Variants in PNPLA7 observed in about 807,000 individuals in gnomAD.
PNPLA7 encodes patatin like domain 7, lysophospholipase.
PNPLA7 carries 153 observed loss-of-function variants against 161.7 expected under a neutral mutation model. That is an observed-to-expected ratio of 0.95 (90% CI 0.83 to 1.08). PNPLA7 has a LOEUF of 1.08. PNPLA7 is among the 50% of genes least tolerant of loss of function. The pLI, the probability that PNPLA7 is intolerant of heterozygous loss-of-function variation, is 0.00. For missense variants in PNPLA7, 1,739 were observed against 1,856.6 expected (o/e 0.94, Z 1.16); for synonymous variants, 809 against 782.1 (o/e 1.03, Z -0.57).
At chr9:137,527,938 C>A (rs1461281974) in intron 8 of PNPLA7, among the ~76,000 whole-genome samples, 1 of 152,208 alleles carries the variant, frequency 6.6e-6, no homozygotes, top group Non-Finnish European at 1.5e-5. Context: ...TTAGTAGTAG[C>A]CATTCAGATA....
At position 137,505,689 on chromosome 9, in the gene PNPLA7, C is replaced by T. The variant is rs762336135; in HGVS notation, c.1398G>A (p.Glu466=). 5 of 1,614,150 alleles carry T rather than the reference C, an allele frequency of 3.1e-6. No homozygotes were observed. The highest frequency in any genetic ancestry group is 4.2e-6 in the Non-Finnish European group (5 of 1,180,038). ...VSQHSESHTD[E]TLASRKSDAI... Reference sequence around the variant, plus strand: ...CATCCGACTTCCTGCTGGCCAGGGTCTCATCCGTGTGACTCTCTGAGTGCT... The same window carrying T: ...CATCCGACTTCCTGCTGGCCAGGGTTTCATCCGTGTGACTCTCTGAGTGCT... Residue 466 remains glutamate, a synonymous_variant, in exon 14 of 35, where the codon GAG becomes GAA. Coordinates refer to ENST00000406427, the MANE Select transcript of PNPLA7 (RefSeq NM_001098537.3).
At position 137,524,772 on chromosome 9, in the gene PNPLA7, T is replaced by C. The variant is rs909054395; in HGVS notation, c.748-1915A>G. On this transcript the variant is annotated intron_variant, in intron 8 of 34. Transcript: ENST00000406427. The surrounding 1 kb of genome is among the most constrained non-coding windows in gnomAD (Gnocchi z 4.4). ...GGATGCCCCGTGGAATGAGTTTCCG[T>C]GGATGCCCCGTGGAATGGGTTTCCG... 2.0e-4 allele frequency among the ~76,000 whole-genome samples: 31 copies of C among 152,154 alleles called. No homozygotes were observed. Among genetic ancestry groups the C allele is most frequent in the African/African-American group, 7.2e-4 (30 of 41,426 alleles).
intron 20 of PNPLA7, chr9:137,491,496 G>C (rs1832760901): frequency 1.0e-6 from 1 of 982,134 alleles, no homozygotes; most frequent in Non-Finnish European, 1.2e-6. Context: ...GGAGAGCGAA[G>C]AGTCACATTA....
At position 137,489,237 on chromosome 9, in the gene PNPLA7, G is replaced by A. The variant is rs1036230943; in HGVS notation, c.2197+3776C>T. On this transcript the variant is annotated intron_variant, in intron 20 of 34. Coordinates refer to ENST00000406427, the MANE Select transcript of PNPLA7 (RefSeq NM_001098537.3). ...TGTTCGGGTCTGAGAGCTGAAGATG[G>A]CGCAGAATGCAGCCTTCACACTGGG... is the stretch of plus-strand genomic sequence containing the variant. Among the ~76,000 whole-genome samples, 4 of 152,358 alleles carry A rather than the reference G, an allele frequency of 2.6e-5. No homozygotes were observed. The East Asian group carries it at 7.7e-4, about 29-fold the overall frequency.
At chr9:137,461,472 A>T in intron 33 of PNPLA7, 64 bp downstream of exon 33, 1 of 1,496,788 alleles carries the variant, frequency 6.7e-7, no homozygotes, top group Non-Finnish European at 9.1e-7. Context: ...GGGGGGGTTC[A>T]AGCCCAACAC....
chr9:137,461,811 A>T, intron 32 of PNPLA7, 120 bp downstream of exon 32: 1 of 1,250,750 alleles, frequency 8.0e-7, no homozygotes, highest in Non-Finnish European at 1.1e-6. Context: ...GTCTTTGGCC[A>T]GGGGGGCAGG....
At chr9:137,464,719 G>T (rs1048753682) in intron 26 of PNPLA7, 2 of 486,138 alleles carry the variant, frequency 4.1e-6, no homozygotes, top group Non-Finnish European at 7.5e-6. Context: ...CCCTACCCTC[G>T]CAGGCTCTGC....
At position 137,481,012 on chromosome 9, in the gene PNPLA7, G is replaced by T; in HGVS notation, c.2359C>A (p.Leu787Met). 2 of 1,551,688 alleles carry T rather than the reference G, an allele frequency of 1.3e-6. No homozygotes were observed. Among genetic ancestry groups the T allele is most frequent in the South Asian group, 2.4e-5 (2 of 84,064 alleles). The change falls in exon 22 of 35, where the codon CTG becomes ATG. Residue 787 changes from leucine to methionine, a missense_variant. This residue lies in a region of PNPLA7 where 192 missense variants were observed against 249.5 expected (regional missense o/e 0.77). Coordinates refer to ENST00000406427, the MANE Select transcript of PNPLA7 (RefSeq NM_001098537.3). ...CGTTTTATGTTGTCACTAGTCAGCAGCAGGGTCGGGCCTGAAAACACCACC... is the reference window on the plus strand; with the variant it reads ...CGTTTTATGTTGTCACTAGTCAGCATCAGGGTCGGGCCTGAAAACACCACC... ...HALSAIGPTL[L>M]LTSDNIKRRL...
chr9:137,462,733 C>T lies in PNPLA7; in HGVS notation c.3444G>A (p.Gly1148=), dbSNP rs1171066868. The part of the protein sequence containing the change: ...DLTNYGDALS[G]WWLLWKRWNP... ...TCCAGCGTTTCCACAGCAGCCACCA[C>T]CCAGACAGCGCATCCCCATAGTTGG... Residue 1148 remains glycine (G), a synonymous_variant, in exon 30 of 35, where the codon GGG becomes GGA. Transcript: ENST00000406427. 1.2e-6 allele frequency: 2 copies of T among 1,613,922 alleles called. No individual in the cohort carries two copies. Among genetic ancestry groups the T allele is most frequent in the East Asian group, 4.5e-5 (2 of 44,896 alleles).
Position 137,468,365 on chromosome 9 carries a change from TG to T in PNPLA7, c.2883-893del, listed in dbSNP as rs1259952413. On this transcript the variant is annotated intron_variant, in intron 25 of 34. Coordinates refer to ENST00000406427, the MANE Select transcript of PNPLA7 (RefSeq NM_001098537.3). This position sits in a 1 kb window ranked among gnomAD's most constrained non-coding sequence, Gnocchi z 4.0. ...CAAAAGAAAAAACAGACAATGAAAG[TG>T]GGCCCAGAGTGCCTCCCAGGTAAGA... is the stretch of plus-strand genomic sequence containing the variant. 6.6e-6 allele frequency among the ~76,000 whole-genome samples: 1 copy of T among 152,158 alleles called. No homozygotes were observed. The highest frequency in any genetic ancestry group is 2.4e-5 in the African/African-American group (1 of 41,452).
rs1053371886 is a variant in PNPLA7 at position 137,467,852 on chromosome 9, C to T, written c.2883-379G>A. Among the ~76,000 whole-genome samples, 1 of 152,132 alleles carries T rather than the reference C, an allele frequency of 6.6e-6. No individual in the cohort carries two copies. Among genetic ancestry groups the T allele is most frequent in the Non-Finnish European group, 1.5e-5 (1 of 68,012 alleles). On this transcript the variant is annotated intron_variant, in intron 25 of 34. Coordinates refer to ENST00000406427, the MANE Select transcript of PNPLA7 (RefSeq NM_001098537.3). The surrounding 1 kb of genome is among the most constrained non-coding windows in gnomAD (Gnocchi z 5.1). The stretch of plus-strand genomic sequence containing the variant: ...GACAGAGGTTGCAGTGAGCTGAGAT[C>T]ACACCACTGCACTCCAGCCTGGGAG...
chr9:137,500,946 C>T lies in PNPLA7; in HGVS notation c.1552-50G>A, dbSNP rs117984182. On this transcript the variant is annotated intron_variant, in intron 15 of 34. Transcript: ENST00000406427. This position sits in a 1 kb window ranked among gnomAD's most constrained non-coding sequence, Gnocchi z 5.5. ...GCGCCGCGAGTGGCCGCGGGCAGGA[C>T]GGGGGCAGCTCTGGGCCCAGAGCGG... is the stretch of plus-strand genomic sequence containing the variant. 27,344 of 1,507,540 alleles carry T rather than the reference C, an allele frequency of 0.018. 308 individuals are homozygous for T. The highest frequency in any genetic ancestry group is 0.021 in the Non-Finnish European group (23,573 of 1,123,922). 93.4% of individuals were successfully genotyped at this position (1,507,540 alleles called of 1,614,324 possible).
intron 25 of PNPLA7, among the ~76,000 whole-genome samples, chr9:137,477,676 C>G (rs888318029): frequency 6.6e-6 from 1 of 152,220 alleles, no homozygotes; most frequent in Admixed American, 6.5e-5. Flanking sequence ...ATCTCTTGAC[C>G]TCGTGATCTG....
At chr9:137,461,498 C>G (rs1358037509) in intron 33 of PNPLA7, 38 bp downstream of exon 33, 1 of 1,578,136 alleles carries the variant, frequency 6.3e-7, no homozygotes, top group East Asian at 2.3e-5. Context: ...CAGGAGGTCA[C>G]GCACGTCTCC....
intron 4 of PNPLA7, among the ~76,000 whole-genome samples, chr9:137,546,013 G>A (rs985052586): frequency 1.8e-4 from 27 of 152,076 alleles, no homozygotes; most frequent in East Asian, 9.6e-4. Flanking sequence ...AGGTTCGCCC[G>A]CAGTTATCCG....
Position 137,542,766 on chromosome 9 carries a change from T to A in PNPLA7, c.542A>T (p.Glu181Val). The A allele has an allele frequency of 6.2e-7, 1 of 1,613,712 alleles. No homozygotes were observed. The change falls in exon 7 of 35, where the codon GAG becomes GTG. Residue 181 changes from glutamate (E) to valine (V), a missense_variant. Glu to Val is a moderately radical substitution (Grantham distance 121, BLOSUM62 -2). This residue lies in a region of PNPLA7 where 209 missense variants were observed against 252.8 expected (regional missense o/e 0.83). Transcript: ENST00000406427. ...LGHFEKPLFL[E>V]LCKHIVFVQL... Reference sequence around the variant, plus strand: ...CACAAAGACGATGTGTTTGCAAAGCTCCAGGAACAGCGGCTTCTCAAAGTG... The same window carrying A: ...CACAAAGACGATGTGTTTGCAAAGCACCAGGAACAGCGGCTTCTCAAAGTG...
chr9:137,536,969 T>C (rs1459338441), intron 8 of PNPLA7, among the ~76,000 whole-genome samples: 4 of 142,356 alleles, frequency 2.8e-5, no homozygotes, highest in African/African-American at 1.1e-4. Context: ...ACAGGAAGCA[T>C]GGGGGCCATC....
intron 11 of PNPLA7, 96 bp from the exon 12 acceptor site, chr9:137,515,615 A>G: frequency 7.1e-7 from 1 of 1,401,706 alleles, no homozygotes; most frequent in African/African-American, 1.5e-5. Flanking sequence ...GGGTCCCCAC[A>G]GTGCCCTGCG....
chr9:137,531,428 G>A (rs1835575660), intron 8 of PNPLA7, among the ~76,000 whole-genome samples: 1 of 152,342 alleles, frequency 6.6e-6, no homozygotes, highest in South Asian at 2.1e-4. Flanking sequence ...AGATCAGGAA[G>A]CTGTGAAAAC....
Sources: gnomAD v4.1 joint callset for allele counts (sites outside exome capture counted in the v4.1 genomes callset) on GRCh38, gnomAD v4.1.1 for gene constraint, gnomAD v4.1.1 regional missense constraint, Gnocchi (gnomAD v3.1) non-coding constraint, MANE v1.5 for transcripts, NCBI Gene and HGNC (gene_info 2026-07-23, HGNC 2026-07-21) for gene names.